NLRP5: variants seen among roughly 807,000 people sequenced by gnomAD.
The protein encoded by NLRP5 is NLR family pyrin domain containing 5.
Under a neutral mutation model 113.1 loss-of-function variants are expected in NLRP5, and 93 were observed. That is an observed-to-expected ratio of 0.82 (90% CI 0.70 to 0.98). The LOEUF (loss-of-function observed/expected upper bound fraction) is 0.98, where lower values mean the gene tolerates loss of function less well. Ranked by LOEUF, NLRP5 falls within the 50% of genes least tolerant of loss-of-function variation. The probability of loss-of-function intolerance (pLI) is 0.00; values close to 1 mark genes in which losing one functional copy is unlikely to be tolerated. For synonymous variants in NLRP5, 751 were observed against 600.7 expected, an observed-to-expected ratio of 1.25 and a Z score of -3.66; for missense variants, 1,808 against 1,514.3, an observed-to-expected ratio of 1.19 and a Z score of -3.22.
chr19:56,053,739 T>C lies in NLRP5; in HGVS notation c.3230T>C (p.Leu1077Pro), dbSNP rs1279341728. Residue 1077 changes from leucine (L) to proline (P), a missense_variant, in exon 13 of 15, where the codon CTG (leucine) becomes CCG (proline). Coordinates refer to ENST00000390649, the MANE Select transcript of NLRP5 (RefSeq NM_153447.4). ...AGCCTGGATCTCACGGACAATGCCC[T>C]GGGTGACGGTGGGGTTGCTGCGCTG... 1.2e-6 allele frequency: 2 copies of C among 1,613,882 alleles called. No individual in the cohort carries two copies. The highest frequency in any genetic ancestry group is 1.7e-6 in the Non-Finnish European group (2 of 1,179,866).
intron 7 of NLRP5, among the ~76,000 whole-genome samples, chr19:56,031,029 C>T (rs1322353234): frequency 6.6e-6 from 1 of 151,854 alleles, no homozygotes; most frequent in Non-Finnish European, 1.5e-5. Flanking sequence ...TTCTTTTATT[C>T]TTGAGGGCAA....
At chr19:56,053,470 C>G in intron 12 of NLRP5, among the ~76,000 whole-genome samples, 168 bp from the exon 13 acceptor site, 1 of 152,198 alleles carries the variant, frequency 6.6e-6, no homozygotes, top group Non-Finnish European at 1.5e-5. Flanking sequence ...TATCATTCCT[C>G]TCTCAAGCCA....
intron 4 of NLRP5, among the ~76,000 whole-genome samples, chr19:56,016,818 C>G (rs555578731): frequency 6.6e-6 from 1 of 151,984 alleles, no homozygotes; most frequent in South Asian, 2.1e-4. Flanking sequence ...GTATATACAC[C>G]ACATTTTTTT....
chr19:55,999,638 A>G, upstream of NLRP5: 1 of 983,618 alleles, frequency 1.0e-6, no homozygotes, highest in Non-Finnish European at 1.6e-6. Context: ...CCTCACAGTA[A>G]CCCTTGAAGA....
At chr19:56,015,892 C>A in intron 4 of NLRP5, 94 bp downstream of exon 4, 1 of 903,800 alleles carries the variant, frequency 1.1e-6, no homozygotes, top group Non-Finnish European at 1.6e-6. Flanking sequence ...AATCCACTTT[C>A]CCTTTCTTCA....
upstream of NLRP5, among the ~76,000 whole-genome samples, chr19:55,998,672 GTATATATATATATATATATATATA>G (rs368326842): frequency 7.5e-5 from 8 of 105,968 alleles, no homozygotes; most frequent in African/African-American, 3.0e-4. Context: ...GTGTGTGTGT[GTATATATATATATATATATATATA>G]TATATATGTG....
Position 56,038,120 on chromosome 19 carries a change from A to T in NLRP5, c.2711A>T (p.Asn904Ile), listed in dbSNP as rs368457078. 1.9e-6 allele frequency: 3 copies of T among 1,613,916 alleles called. No homozygotes were observed. The highest frequency in any genetic ancestry group is 1.3e-5 in the African/African-American group (1 of 74,938). Residue 904 changes from asparagine to isoleucine, a missense_variant, in exon 10 of 15, where the codon AAC becomes ATC. Physicochemically the swap from Asn to Ile is moderately radical, Grantham distance 149. Transcript: ENST00000390649. ...CTGAAATCTCTGAGCCTGGCAGGAA[A>T]CAAGGTGACAGACCAGGGAGTAATG...
chr19:55,993,366 A>C, the NLRP5 span, among the ~76,000 whole-genome samples: 2 of 63,292 alleles, frequency 3.2e-5, no homozygotes, highest in South Asian at 5.7e-4. Context: ...CCCATGAGCC[A>C]TACTCTCCCC....
At chr19:56,037,894 G>GC in intron 9 of NLRP5, 131 bp from the exon 10 acceptor site, 1 of 864,148 alleles carries the variant, frequency 1.2e-6, no homozygotes, top group Non-Finnish European at 1.8e-6. Flanking sequence ...AACTTCTCAG[G>GC]CCCGGAGGCA....
intron 13 of NLRP5, among the ~76,000 whole-genome samples, chr19:56,054,970 C>T (rs889477182): frequency 1.4e-5 from 2 of 144,962 alleles, no homozygotes; most frequent in African/African-American, 5.2e-5. Flanking sequence ...GAGTAAGAGG[C>T]TTTAATCTGG....
At position 56,025,074 on chromosome 19, in the gene NLRP5, G is replaced by T. The variant is rs547372687; in HGVS notation, c.680-1839G>T. ...TGCTTATGAGAATCTAATGCCTGAT[G>T]ATCTGTCAGTGTCTCCATCACCCCC... On this transcript the variant is annotated intron_variant, in intron 6 of 14. Coordinates refer to ENST00000390649, the MANE Select transcript of NLRP5 (RefSeq NM_153447.4). Among the ~76,000 whole-genome samples the T allele has an allele frequency of 3.9e-5, 6 of 152,244 alleles. No homozygotes were observed. In the East Asian group the frequency reaches 1.2e-3, roughly 29 times the overall value.
intron 2 of NLRP5, among the ~76,000 whole-genome samples, chr19:56,005,018 C>T (rs976626203): frequency 1.3e-5 from 2 of 149,964 alleles, no homozygotes; most frequent in African/African-American, 4.9e-5. Flanking sequence ...CACTTGAATC[C>T]GGGAGGCAGA....
chr19:55,990,972 A>C, the NLRP5 span, among the ~76,000 whole-genome samples: 1 of 152,164 alleles, frequency 6.6e-6, no homozygotes, highest in Non-Finnish European at 1.5e-5. Flanking sequence ...CAACAAAAGC[A>C]AAACTCCATC....
upstream of NLRP5, among the ~76,000 whole-genome samples, chr19:55,997,263 C>T (rs1981355782): frequency 6.6e-6 from 1 of 152,056 alleles, no homozygotes; most frequent in African/African-American, 2.4e-5. Context: ...TTTTGTCCTT[C>T]AGTCTGCTGA....
chr19:56,028,330 T>A lies in NLRP5; in HGVS notation c.2097T>A (p.Phe699Leu). Reference sequence around the variant, plus strand: ...TTTTCGAGACTCAAGACAAAGAGTTTGTTCGCTTGGCATTAAACAGCTTCC... The same window carrying A: ...TTTTCGAGACTCAAGACAAAGAGTTAGTTCGCTTGGCATTAAACAGCTTCC... The change falls in exon 7 of 15, where the codon TTT becomes TTA. Residue 699 changes from phenylalanine (F) to leucine (L), a missense_variant. By Grantham distance (22) the Phe-to-Leu change is conservative (BLOSUM62 0). Transcript: ENST00000390649. 1 of 1,613,996 alleles carries A rather than the reference T, an allele frequency of 6.2e-7. No individual in the cohort carries two copies. The highest frequency in any genetic ancestry group is 8.5e-7 in the Non-Finnish European group (1 of 1,179,892).
chr19:56,017,772 G>A (rs73934623), intron 4 of NLRP5, among the ~76,000 whole-genome samples: 4,320 of 152,142 alleles, frequency 0.028, 214 homozygotes, highest in African/African-American at 0.098. Context: ...TTTCCATATC[G>A]GTAAATAGCG....
chr19:55,989,309 G>T, the NLRP5 span, among the ~76,000 whole-genome samples: 1 of 152,168 alleles, frequency 6.6e-6, no homozygotes, highest in Non-Finnish European at 1.5e-5. Flanking sequence ...AGGCTGTAGT[G>T]CAATGGCTGG....
In NLRP5 at chr19:56,026,400, C is replaced by T. The variant is rs1399158937; in HGVS notation, c.680-513C>T. 1.3e-5 allele frequency among the ~76,000 whole-genome samples: 2 copies of T among 151,142 alleles called. 1 individual carries two copies. The highest frequency in any genetic ancestry group is 4.9e-5 in the African/African-American group (2 of 41,172). On this transcript the variant is annotated intron_variant, in intron 6 of 14. Transcript: ENST00000390649. ...AAAATTAGCTGGGCGTGGTGGCAGG[C>T]ACCTGTAGTCCCAGCTACTCAGGAG...
chr19:56,048,500 A>C (rs911489337), intron 11 of NLRP5, among the ~76,000 whole-genome samples: 1 of 148,786 alleles, frequency 6.7e-6, no homozygotes, highest in African/African-American at 2.5e-5. Context: ...TGCTGGATAC[A>C]AAATTCTTGG....
Sources: allele counts gnomAD v4.1 joint callset (sites outside exome capture counted in the v4.1 genomes callset), GRCh38; gene constraint gnomAD v4.1.1; transcripts MANE v1.5; gene names NCBI Gene and HGNC (gene_info 2026-07-23, HGNC 2026-07-21).